Variants in PROM1 observed in about 807,000 individuals in gnomAD.
PROM1 encodes the protein prominin-1.
A neutral mutation model predicts 116.9 loss-of-function variants in PROM1; 105 were observed. The observed-to-expected ratio is 0.90, with a 90% CI of 0.77 to 1.06. The LOEUF (loss-of-function observed/expected upper bound fraction) is 1.06, where lower values mean the gene tolerates loss of function less well. Ranked by LOEUF, PROM1 falls within the 50% of genes least tolerant of loss-of-function variation. The pLI is 0.00. For synonymous variants in PROM1, 393 were observed against 387.0 expected, an observed-to-expected ratio of 1.02 and a Z score of -0.18; for missense variants, 1,122 against 1,045.2, an observed-to-expected ratio of 1.07 and a Z score of -1.01.
At chr4:15,987,765 G>GA in intron 19 of PROM1, 49 bp from the exon 20 acceptor site, 1 of 1,483,100 alleles carries the variant, frequency 6.7e-7, no homozygotes, top group Non-Finnish European at 9.4e-7. Flanking sequence ...GAAGCAGCAA[G>GA]ATCACATACC....
chr4:16,014,835 T>C (rs1727882367), intron 10 of PROM1, among the ~76,000 whole-genome samples: 1 of 152,208 alleles, frequency 6.6e-6, no homozygotes, highest in Non-Finnish European at 1.5e-5. Context: ...ATTAGTTGAA[T>C]AAAGAGCAAG....
chr4:16,081,079 T>C (rs1315000151), intron 1 of PROM1, among the ~76,000 whole-genome samples: 2 of 151,240 alleles, frequency 1.3e-5, no homozygotes, highest in African/African-American at 2.4e-5. Flanking sequence ...ATTTTTTTAT[T>C]ATACTTTAAG....
At chr4:16,069,444 G>A (rs549343160) in intron 2 of PROM1, among the ~76,000 whole-genome samples, 79 of 152,282 alleles carry the variant, frequency 5.2e-4, no homozygotes, top group African/African-American at 1.8e-3. Flanking sequence ...CTTTTACAAT[G>A]CATACTTTTA....
At chr4:16,025,106 GT>G in intron 6 of PROM1, 85 bp downstream of exon 6, 1 of 1,452,004 alleles carries the variant, frequency 6.9e-7, no homozygotes, top group Non-Finnish European at 9.4e-7. Context: ...TTTCTAGAAG[GT>G]TTGATTGAGA....
At chr4:16,039,598 C>T (rs1040450026) in intron 2 of PROM1, among the ~76,000 whole-genome samples, 2 of 151,670 alleles carry the variant, frequency 1.3e-5, no homozygotes, top group South Asian at 2.1e-4. Context: ...ATTAGCCAGG[C>T]GTGGTGGCGC....
chr4:16,010,019 C>T (rs1329060561), intron 11 of PROM1, among the ~76,000 whole-genome samples: 2 of 143,646 alleles, frequency 1.4e-5, no homozygotes, highest in Non-Finnish European at 3.0e-5. Flanking sequence ...AACAGAAAAA[C>T]ACAAGTGACT....
chr4:16,033,636 C>T (rs1450380735), intron 4 of PROM1, 127 bp from the exon 5 acceptor site: 21 of 815,478 alleles, frequency 2.6e-5, no homozygotes, highest in Non-Finnish European at 3.6e-5. Flanking sequence ...GTTGCCCAGG[C>T]TGGAGCGCAG....
rs373331232 is a variant in PROM1, at chr4:16,023,380, G to A, written c.730C>T (p.Arg244Ter). 1.7e-5 allele frequency: 27 copies of A among 1,606,988 alleles called. No individual in the cohort carries two copies. The highest frequency in any genetic ancestry group is 2.7e-5 in the African/African-American group (2 of 74,762). The stretch of plus-strand genomic sequence containing the variant: ...ACAGGGATGATGTTGGGTCTCAGTC[G>A]GTCAAGAATTCCGCCTCCTAGCACT... The part of the protein sequence containing the change: ...NSVLGGGILD[R>*]LRPNIIPVLD... Residue 244 changes from arginine to a stop codon, truncating the protein, a stop_gained, in exon 8 of 28, where the codon CGA (arginine) becomes TGA (stop). Transcript: ENST00000447510. LOFTEE classifies it high-confidence loss of function.
chr4:16,014,624 T>C (rs1299441120), intron 10 of PROM1, among the ~76,000 whole-genome samples: 1 of 152,196 alleles, frequency 6.6e-6, no homozygotes, highest in Non-Finnish European at 1.5e-5. Context: ...CATTTGGCAG[T>C]AGGATATAAA....
chr4:16,043,700 C>T (rs1323465231), intron 2 of PROM1, among the ~76,000 whole-genome samples: 1 of 152,174 alleles, frequency 6.6e-6, no homozygotes, highest in Non-Finnish European at 1.5e-5. Flanking sequence ...GTACTGTAGC[C>T]CGAAATACAG....
chr4:15,994,155 C>T (rs774522594), intron 15 of PROM1, 84 bp from the exon 16 acceptor site: 120 of 1,585,940 alleles, frequency 7.6e-5, no homozygotes, highest in Non-Finnish European at 1.0e-4. Flanking sequence ...GAGAAAGGCT[C>T]ACTGTTTCTC....
intron 8 of PROM1, among the ~76,000 whole-genome samples, chr4:16,022,460 C>G (rs1054782294): frequency 6.6e-6 from 1 of 152,228 alleles, no homozygotes; most frequent in Non-Finnish European, 1.5e-5. Context: ...ATCTTAACAA[C>G]TCCTGGCCTG....
At chr4:16,049,746 AGTTT>A (rs1288524680) in intron 2 of PROM1, among the ~76,000 whole-genome samples, 1 of 151,524 alleles carries the variant, frequency 6.6e-6, no homozygotes, top group Non-Finnish European at 1.5e-5. Context: ...ATGTATATAT[AGTTT>A]ATTATTATAT....
In PROM1 at chr4:16,073,023, C is replaced by T. The variant is rs563262223; in HGVS notation, c.220+2664G>A. Among the ~76,000 whole-genome samples, 5 of 152,270 alleles carry T rather than the reference C, an allele frequency of 3.3e-5. No individual in the cohort carries two copies. In the South Asian group the frequency reaches 1.0e-3, roughly 32 times the overall value. On this transcript the variant is annotated intron_variant, in intron 2 of 27. Transcript: ENST00000447510. ...CCCACCAAATTATACTTAAAAACCC[C>T]AATCCCTGAATTTTGGGGGAGACTG... is the stretch of plus-strand genomic sequence containing the variant.
chr4:16,070,277 T>C (rs1380599275), intron 2 of PROM1, among the ~76,000 whole-genome samples: 2 of 152,046 alleles, frequency 1.3e-5, no homozygotes, highest in Non-Finnish European at 2.9e-5. Flanking sequence ...CAAATCCCAC[T>C]GGAAAACAGC....
intron 2 of PROM1, among the ~76,000 whole-genome samples, chr4:16,050,881 CA>C (rs1351959569): frequency 6.6e-6 from 1 of 152,160 alleles, no homozygotes; most frequent in Non-Finnish European, 1.5e-5. Context: ...TTAATAGGCA[CA>C]AATACATTTC....
intron 2 of PROM1, among the ~76,000 whole-genome samples, chr4:16,055,762 T>C (rs1354702971): frequency 1.3e-5 from 2 of 152,260 alleles, no homozygotes. Context: ...TTCCATTTTC[T>C]AAATACCCAA....
rs576588384 is a variant in PROM1, at chr4:16,037,604, G to A, written c.276+1342C>T. Among the ~76,000 whole-genome samples, 4 of 152,288 alleles carry A rather than the reference G, an allele frequency of 2.6e-5. No homozygotes were observed. In the South Asian group the frequency reaches 8.3e-4, roughly 32 times the overall value. ...GCATTCAGATTTGTTGTGCAGGCCA[G>A]TAAAAAACGTCCACCTATACATCTG... On this transcript the variant is annotated intron_variant, in intron 3 of 27. Transcript: ENST00000447510.
intron 12 of PROM1, among the ~76,000 whole-genome samples, 171 bp from the exon 13 acceptor site, chr4:16,006,861 C>T (rs1298950696): frequency 6.6e-6 from 1 of 152,192 alleles, no homozygotes; most frequent in African/African-American, 2.4e-5. Flanking sequence ...CCTTCACACC[C>T]TTTGCCTTCC....
Sources: gnomAD v4.1 joint callset for allele counts (sites outside exome capture counted in the v4.1 genomes callset) on GRCh38, gnomAD v4.1.1 for gene constraint, MANE v1.5 for transcripts, NCBI Gene and HGNC (gene_info 2026-07-23, HGNC 2026-07-21) for gene names.